TBC1D1: variants seen among roughly 807,000 people sequenced by gnomAD.
TBC1D1 encodes the protein TBC1 domain family member 1, also known as TBC1 (tre-2/USP6, BUB2, cdc16) domain family, member 1.
In TBC1D1, 89 loss-of-function variants were observed where a neutral mutation model predicts 125.6. The observed-to-expected ratio is 0.71, with a 90% CI of 0.60 to 0.85. The LOEUF (loss-of-function observed/expected upper bound fraction) is 0.85. TBC1D1 is among the 40% of genes least tolerant of loss of function. The pLI, the probability that TBC1D1 is intolerant of heterozygous loss-of-function variation, is 0.00. For missense variants in TBC1D1, 1,377 were observed against 1,469.2 expected (o/e 0.94, Z 1.03); for synonymous variants, 565 against 564.1 (o/e 1.00, Z -0.02).
chr4:38,095,338 A>G (rs1263013502), intron 13 of TBC1D1, among the ~76,000 whole-genome samples: 1 of 152,202 alleles, frequency 6.6e-6, no homozygotes, highest in Non-Finnish European at 1.5e-5. Flanking sequence ...TTGATAATTT[A>G]GTTATAATTC....
intron 1 of TBC1D1, among the ~76,000 whole-genome samples, chr4:37,900,931 G>T (rs191873794): frequency 0.03 from 4,519 of 151,914 alleles, 207 homozygotes; most frequent in African/African-American, 0.1. Context: ...AATTAGCCAG[G>T]TGTGGTGGTG....
At chr4:38,007,344 C>A (rs955978808) in intron 2 of TBC1D1, among the ~76,000 whole-genome samples, 13 of 152,030 alleles carry the variant, frequency 8.6e-5, no homozygotes, top group African/African-American at 2.9e-4. Flanking sequence ...CCTTTGCCTC[C>A]CGGGTTCAAG....
intron 2 of TBC1D1, chr4:37,996,020 T>C (rs1737723502): frequency 1.9e-6 from 1 of 521,460 alleles, no homozygotes; most frequent in Non-Finnish European, 3.9e-6. Flanking sequence ...GGATGTCCAG[T>C]GGGGCCCGGA....
chr4:38,125,477 A>G (rs945239961), intron 18 of TBC1D1, among the ~76,000 whole-genome samples: 2 of 152,198 alleles, frequency 1.3e-5, no homozygotes, highest in African/African-American at 4.8e-5. Flanking sequence ...GGTTTTGTAC[A>G]TTGAGTGCTT....
At chr4:38,097,595 G>C (rs2152549813) in intron 14 of TBC1D1, among the ~76,000 whole-genome samples, 1 of 152,236 alleles carries the variant, frequency 6.6e-6, no homozygotes, top group East Asian at 1.9e-4. Flanking sequence ...ACCCACCTTG[G>C]CCTCCCAAAG....
chr4:38,104,749 A>ATT (rs33994276), intron 15 of TBC1D1, among the ~76,000 whole-genome samples: 18,907 of 148,580 alleles, frequency 0.13, 1,569 homozygotes, highest in East Asian at 0.4. Flanking sequence ...CCTTAAGGTT[A>ATT]TTTTTTTTTT....
chr4:37,906,026 T>A lies in TBC1D1; in HGVS notation c.417+3514T>A, dbSNP rs555713231. On this transcript the variant is annotated intron_variant, in intron 2 of 19. Transcript: ENST00000261439. The stretch of plus-strand genomic sequence containing the variant: ...TAAGCTGAACCAGCAGAGATGTCTA[T>A]GATATTGGCTAGTTGGTCCTCTTCA... 2.0e-5 allele frequency among the ~76,000 whole-genome samples: 3 copies of A among 152,326 alleles called. No homozygotes were observed. In the East Asian group the frequency reaches 5.8e-4, roughly 29 times the overall value.
chr4:37,998,053 C>G (rs1738204191), intron 2 of TBC1D1, among the ~76,000 whole-genome samples: 1 of 152,290 alleles, frequency 6.6e-6, no homozygotes, highest in East Asian at 1.9e-4. Flanking sequence ...CGTCCTCAGC[C>G]CTCATCTGTC....
At chr4:38,075,853 A>G (rs1381023030) in intron 12 of TBC1D1, among the ~76,000 whole-genome samples, 1 of 152,190 alleles carries the variant, frequency 6.6e-6, no homozygotes, top group Non-Finnish European at 1.5e-5. Flanking sequence ...TGCCTTTGAC[A>G]GTCACCTGTA....
intron 17 of TBC1D1, among the ~76,000 whole-genome samples, chr4:38,121,050 A>T (rs1282360115): frequency 6.6e-6 from 1 of 152,176 alleles, no homozygotes; most frequent in Non-Finnish European, 1.5e-5. Flanking sequence ...TGAAAACAAG[A>T]TTGTTTCTGT....
chr4:37,981,593 G>T (rs890782543), intron 2 of TBC1D1, among the ~76,000 whole-genome samples: 9 of 152,308 alleles, frequency 5.9e-5, no homozygotes, highest in Admixed American at 5.9e-4. Flanking sequence ...TGGTGCAGGG[G>T]TGGCATTCCA....
At chr4:38,003,585 C>T (rs909736781) in intron 2 of TBC1D1, among the ~76,000 whole-genome samples, 4 of 152,044 alleles carry the variant, frequency 2.6e-5, no homozygotes, top group Admixed American at 2.0e-4. Context: ...ATAAAGTTGG[C>T]AGTCAGATGT....
intron 2 of TBC1D1, among the ~76,000 whole-genome samples, chr4:37,906,729 C>T (rs115965110): frequency 0.01 from 1,595 of 152,296 alleles, 27 homozygotes; most frequent in African/African-American, 0.036. Context: ...AAATGGAAAT[C>T]CATGCATAGT....
intron 2 of TBC1D1, among the ~76,000 whole-genome samples, chr4:37,903,075 C>T (rs1488891448): frequency 6.6e-6 from 1 of 152,206 alleles, no homozygotes; most frequent in Non-Finnish European, 1.5e-5. Context: ...ATAATGTTCA[C>T]TTAGGCAAAG....
At chr4:38,111,860 G>C (rs1762255962) in intron 15 of TBC1D1, 1 of 871,274 alleles carries the variant, frequency 1.1e-6, no homozygotes, top group Admixed American at 6.2e-5. Flanking sequence ...GGGTGCAGTT[G>C]TCCTGCTTAA....
intron 12 of TBC1D1, among the ~76,000 whole-genome samples, chr4:38,064,220 T>A (rs1378429434): frequency 6.6e-6 from 1 of 152,246 alleles, no homozygotes; most frequent in Non-Finnish European, 1.5e-5. Flanking sequence ...TCACATATGG[T>A]TTATCCTTTA....
chr4:38,002,590 C>T (rs1159580870), intron 2 of TBC1D1, among the ~76,000 whole-genome samples: 1 of 152,196 alleles, frequency 6.6e-6, no homozygotes, highest in Non-Finnish European at 1.5e-5. Flanking sequence ...ATTGAGCAGA[C>T]TTATTGAATA....
chr4:38,023,813 A>T (rs528838544), intron 6 of TBC1D1, among the ~76,000 whole-genome samples: 1 of 152,256 alleles, frequency 6.6e-6, no homozygotes, highest in East Asian at 1.9e-4. Context: ...CCTGCTTTCA[A>T]TTCTTTCGGT....
chr4:38,089,304 C>T (rs922324845), intron 12 of TBC1D1, among the ~76,000 whole-genome samples: 4 of 152,168 alleles, frequency 2.6e-5, no homozygotes, highest in Non-Finnish European at 4.4e-5. Flanking sequence ...GTGCCCAGCA[C>T]GTGGTAGAAG....
Sources: allele counts gnomAD v4.1 joint callset (sites outside exome capture counted in the v4.1 genomes callset), GRCh38; gene constraint gnomAD v4.1.1; transcripts MANE v1.5; gene names NCBI Gene and HGNC (gene_info 2026-07-23, HGNC 2026-07-21).